SPART: variants seen among roughly 807,000 people sequenced by gnomAD.
SPART encodes the protein spastic paraplegia 20 (Troyer syndrome).
A neutral mutation model predicts 58.7 loss-of-function variants in SPART; 35 were observed. That is an observed-to-expected ratio of 0.60 (90% CI 0.46 to 0.79). SPART has a LOEUF of 0.79. SPART is among the 30% of genes least tolerant of loss of function. SPART has a pLI of 0.00. For synonymous variants in SPART, 284 were observed against 280.7 expected (o/e 1.01, Z -0.12); for missense variants, 730 against 786.1 (o/e 0.93, Z 0.85).
intron 1 of SPART, among the ~76,000 whole-genome samples, chr13:36,339,044 A>G (rs1157692589): frequency 6.6e-6 from 1 of 152,092 alleles, no homozygotes; most frequent in Non-Finnish European, 1.5e-5. Context: ...AAGGATTAAA[A>G]GAAGAGCAAT....
intron 5 of SPART, among the ~76,000 whole-genome samples, chr13:36,321,081 A>T (rs1172347752): frequency 1.3e-5 from 2 of 152,334 alleles, no homozygotes; most frequent in Admixed American, 1.3e-4. Flanking sequence ...TACAGGGTAC[A>T]GCCCATTTAA....
chr13:36,362,445 T>A (rs1885902991), intron 1 of SPART, among the ~76,000 whole-genome samples: 1 of 151,904 alleles, frequency 6.6e-6, no homozygotes, highest in South Asian at 2.1e-4. Context: ...CCAGATCTAA[T>A]GAGTCACAGC....
intron 5 of SPART, among the ~76,000 whole-genome samples, chr13:36,315,873 G>C (rs957068693): frequency 7.2e-5 from 11 of 152,148 alleles, no homozygotes; most frequent in African/African-American, 2.7e-4. Flanking sequence ...GAAGTCAAAT[G>C]ATGACTGAGA....
rs1880217921 is a variant in SPART, at chr13:36,303,742, A to G, written c.*623T>C. The G allele has an allele frequency of 6.5e-6, 1 of 153,120 alleles. No individual in the cohort carries two copies. The highest frequency in any genetic ancestry group is 2.4e-5 in the African/African-American group (1 of 41,466). The allele number at this position is 153,120 out of a possible 1,614,324, so 9.5% of individuals were successfully genotyped here. On this transcript the variant is annotated 3_prime_UTR_variant, in exon 9 of 9. Coordinates refer to ENST00000438666, the MANE Select transcript of SPART (RefSeq NM_015087.5). Reference sequence around the variant, plus strand: ...AAGACGTAATAATCTATTTTTATTTATTTTAAATCAAAGAGACCATTCCAT... The same window carrying G: ...AAGACGTAATAATCTATTTTTATTTGTTTTAAATCAAAGAGACCATTCCAT...
chr13:36,338,648 G>T (rs193189713), intron 1 of SPART, among the ~76,000 whole-genome samples: 1 of 152,252 alleles, frequency 6.6e-6, no homozygotes, highest in Admixed American at 6.5e-5. Context: ...GTGAGGATAA[G>T]AAACTATCAG....
chr13:36,362,914 T>G (rs1021091343), intron 1 of SPART, among the ~76,000 whole-genome samples: 1 of 152,226 alleles, frequency 6.6e-6, no homozygotes, highest in Non-Finnish European at 1.5e-5. Flanking sequence ...GTCCTCTGTA[T>G]TAACTAATTT....
Position 36,302,517 on chromosome 13 carries a change from T to G in SPART, c.*1848A>C, listed in dbSNP as rs553638012. On this transcript the variant is annotated 3_prime_UTR_variant, in exon 9 of 9. Coordinates refer to ENST00000438666, the MANE Select transcript of SPART (RefSeq NM_015087.5). ...CGTTATTTATGAAAACAGGTGGACA[T>G]CTGGATTTAGCCCATGGAGGATATT... The G allele has an allele frequency of 1.7e-4, 26 of 152,330 alleles. No individual in the cohort carries two copies. Among genetic ancestry groups the G allele is most frequent in the Admixed American group, 4.6e-4 (7 of 15,304 alleles). 9.4% of individuals were successfully genotyped at this position (152,330 alleles called of 1,614,324 possible).
intron 1 of SPART, among the ~76,000 whole-genome samples, chr13:36,359,191 G>C (rs933462522): frequency 6.6e-6 from 1 of 152,174 alleles, no homozygotes; most frequent in Admixed American, 6.5e-5. Context: ...AGCATGATTA[G>C]TTTCCCTATA....
In SPART at chr13:36,321,098, G is replaced by A. The variant is rs115101841; in HGVS notation, c.1288+5477C>T. 4.8e-3 allele frequency among the ~76,000 whole-genome samples: 736 copies of A among 152,260 alleles called. 7 individuals carry two copies. The highest frequency in any genetic ancestry group is 0.017 in the African/African-American group (690 of 41,548). ...CAGGGTACAGCCCATTTAAGCTCCCGTACAGACGCTCCTTATTAGGCCCCA... is the reference window on the plus strand; with the variant it reads ...CAGGGTACAGCCCATTTAAGCTCCCATACAGACGCTCCTTATTAGGCCCCA... On this transcript the variant is annotated intron_variant, in intron 5 of 8. Coordinates refer to ENST00000438666, the MANE Select transcript of SPART (RefSeq NM_015087.5).
intron 1 of SPART, chr13:36,368,149 T>C (rs770424709): frequency 1.0e-4 from 46 of 455,476 alleles, no homozygotes; most frequent in Non-Finnish European, 4.5e-6. Context: ...TTTAAACATG[T>C]CAACAAAAAA....
intron 1 of SPART, among the ~76,000 whole-genome samples, chr13:36,364,208 A>G (rs1404747525): frequency 6.6e-6 from 1 of 152,190 alleles, no homozygotes; most frequent in Non-Finnish European, 1.5e-5. Context: ...TAATTCTCCA[A>G]TGTATAACGT....
intron 8 of SPART, among the ~76,000 whole-genome samples, chr13:36,309,148 G>T (rs1402551194): frequency 6.6e-6 from 1 of 151,774 alleles, no homozygotes; most frequent in Non-Finnish European, 1.5e-5. Flanking sequence ...GGAGGCTGAG[G>T]CAGGAGAATG....
At chr13:36,338,546 C>T (rs556806306) in intron 1 of SPART, among the ~76,000 whole-genome samples, 2 of 152,192 alleles carry the variant, frequency 1.3e-5, no homozygotes, top group South Asian at 2.1e-4. Flanking sequence ...AAATTAGCAC[C>T]CTCAGATCTT....
rs1881210274 is a variant in SPART, at chr13:36,312,318, C to T, written c.1642+1G>A. 6.2e-7 allele frequency: 1 copy of T among 1,614,006 alleles called. No homozygotes were observed. Among genetic ancestry groups the T allele is most frequent in the East Asian group, 2.2e-5 (1 of 44,838 alleles). On this transcript the variant is annotated splice_donor_variant, in intron 7 of 8. Transcript: ENST00000438666. LOFTEE classifies it high-confidence loss of function. ...AGTTAAAATTCTGGGCCCTTTGTTA[C>T]CTTGAACACTACTTGCTGCTACAAC...
At chr13:36,352,514 T>C (rs529284734) in intron 1 of SPART, among the ~76,000 whole-genome samples, 2 of 152,252 alleles carry the variant, frequency 1.3e-5, no homozygotes, top group Admixed American at 1.3e-4. Context: ...CCACCTAGAT[T>C]CAAGATGAGT....
intron 5 of SPART, among the ~76,000 whole-genome samples, chr13:36,316,073 T>C (rs973151653): frequency 1.3e-5 from 2 of 152,268 alleles, no homozygotes; most frequent in Admixed American, 1.3e-4. Context: ...GCATGTACAA[T>C]GCCAGATATA....
rs1429819253 is a variant in SPART, at chr13:36,339,643, A to AAAC, written c.-2-3812_-2-3811insGTT. Among the ~76,000 whole-genome samples, 8 of 150,110 alleles carry AAAC rather than the reference A, an allele frequency of 5.3e-5. 1 individual carries two copies. The highest frequency in any genetic ancestry group is 3.3e-4 in the Admixed American group (5 of 15,102). On this transcript the variant is annotated intron_variant, in intron 1 of 8. Transcript: ENST00000438666. Reference sequence around the variant, plus strand: ...CGACTCCATCAAAAAAAAAAAAAAAAAAAAAAAAACCAACCAACAAACAAA... The same window carrying AAAC: ...CGACTCCATCAAAAAAAAAAAAAAAAAACAAAAAAAAACCAACCAACAAACAAA...
At chr13:36,329,341 A>G in intron 4 of SPART, 21 bp downstream of exon 4, 1 of 1,613,118 alleles carries the variant, frequency 6.2e-7, no homozygotes, top group African/African-American at 1.3e-5. Context: ...CAACACACAC[A>G]CTTATTACTC....
chr13:36,310,161 C>T lies in SPART; in HGVS notation c.1733+1984G>A, dbSNP rs191465597. On this transcript the variant is annotated intron_variant, in intron 8 of 8. Transcript: ENST00000438666. ...TAACAGTGTTGAAAATTAATTAATA[C>T]GTAGGAAAAGCAATGATCACAGTGC... Among the ~76,000 whole-genome samples the T allele has an allele frequency of 7.2e-5, 11 of 152,138 alleles. No individual in the cohort carries two copies. The South Asian group carries it at 1.2e-3, about 17-fold the overall frequency.
Sources: allele counts gnomAD v4.1 joint callset (sites outside exome capture counted in the v4.1 genomes callset), GRCh38; gene constraint gnomAD v4.1.1; transcripts MANE v1.5; gene names NCBI Gene and HGNC (gene_info 2026-07-23, HGNC 2026-07-21).